C12orf42: variants seen among roughly 807,000 people sequenced by gnomAD.
C12orf42 encodes the protein chromosome 12 open reading frame 42.
In C12orf42, 25 loss-of-function variants were observed where a neutral mutation model predicts 21.6. The ratio of observed to expected loss-of-function variants is 1.16; its 90% CI spans 0.84 to 1.62. The LOEUF is 1.62. Ranked by LOEUF, C12orf42 falls within the 40% of genes most tolerant of loss-of-function variation. The pLI, the probability that C12orf42 is intolerant of heterozygous loss-of-function variation, is 0.00. For missense variants in C12orf42, 483 were observed against 459.3 expected (o/e 1.05, Z -0.47); for synonymous variants, 174 against 175.0 (o/e 0.99, Z 0.05).
chr12:103,073,878 A>C, the C12orf42 span, among the ~76,000 whole-genome samples: 1 of 152,138 alleles, frequency 6.6e-6, no homozygotes, highest in African/African-American at 2.4e-5. Context: ...GTCCTTACTC[A>C]TGCCTATTTT....
At chr12:103,058,922 T>C in the C12orf42 span, among the ~76,000 whole-genome samples, 1 of 151,936 alleles carries the variant, frequency 6.6e-6, no homozygotes, top group Non-Finnish European at 1.5e-5. Flanking sequence ...TTAAAAGAAC[T>C]AGAGAAACAA....
intron 2 of C12orf42, among the ~76,000 whole-genome samples, chr12:103,415,044 G>A (rs754075469): frequency 1.1e-4 from 17 of 151,918 alleles, no homozygotes; most frequent in South Asian, 8.3e-4. Context: ...AACAACACCC[G>A]TGGGCTCAAA....
chr12:103,259,784 G>C (rs1296359505), intron 10 of C12orf42, among the ~76,000 whole-genome samples: 2 of 152,116 alleles, frequency 1.3e-5, no homozygotes, highest in Non-Finnish European at 2.9e-5. Flanking sequence ...AATAATAACT[G>C]TTATTGGAGA....
At chr12:103,077,459 A>G in the C12orf42 span, among the ~76,000 whole-genome samples, 1 of 152,216 alleles carries the variant, frequency 6.6e-6, no homozygotes, top group Non-Finnish European at 1.5e-5. Flanking sequence ...TGGGGAAACC[A>G]AAGCACAGAG....
At chr12:103,048,212 G>A in the C12orf42 span, among the ~76,000 whole-genome samples, 14 of 151,912 alleles carry the variant, frequency 9.2e-5, no homozygotes, top group African/African-American at 3.1e-4. Context: ...GGGGGAAGGA[G>A]GGGAATAGTT....
intron 4 of C12orf42, among the ~76,000 whole-genome samples, chr12:103,347,422 T>C (rs1486416453): frequency 1.3e-5 from 2 of 152,298 alleles, no homozygotes; most frequent in African/African-American, 4.8e-5. Context: ...CCATGGTGTA[T>C]ATGTGCCACA....
the C12orf42 span, among the ~76,000 whole-genome samples, chr12:103,212,344 A>C: frequency 6.6e-6 from 1 of 152,152 alleles, no homozygotes; most frequent in Non-Finnish European, 1.5e-5. Context: ...TAACTAATGT[A>C]TTTGTTTCCT....
the C12orf42 span, among the ~76,000 whole-genome samples, chr12:103,098,332 A>G: frequency 0.15 from 23,187 of 152,180 alleles, 1,884 homozygotes; most frequent in East Asian, 0.3. Context: ...TGGAGATAAT[A>G]TTAAGACTTA....
intron 4 of C12orf42, among the ~76,000 whole-genome samples, chr12:103,346,173 C>T (rs1365599342): frequency 6.6e-6 from 1 of 152,154 alleles, no homozygotes; most frequent in Admixed American, 6.5e-5. Context: ...TAATCCTCCA[C>T]AGTTTTGACT....
At chr12:103,125,052 C>T in the C12orf42 span, among the ~76,000 whole-genome samples, 1 of 152,092 alleles carries the variant, frequency 6.6e-6, no homozygotes, top group African/African-American at 2.4e-5. Context: ...CATCTATGAG[C>T]TGTCATTTGA....
intron 4 of C12orf42, among the ~76,000 whole-genome samples, chr12:103,342,773 C>T (rs1346143990): frequency 2.0e-5 from 3 of 150,934 alleles, no homozygotes; most frequent in Admixed American, 2.0e-4. Flanking sequence ...AGAGCAATTA[C>T]GTCAGTTTCT....
chr12:103,519,489 T>C, the C12orf42 span, among the ~76,000 whole-genome samples: 3 of 152,176 alleles, frequency 2.0e-5, no homozygotes, highest in African/African-American at 7.2e-5. Flanking sequence ...TATATAATAT[T>C]GGACAAATTA....
intron 2 of C12orf42, among the ~76,000 whole-genome samples, chr12:103,461,002 T>C (rs1202878426): frequency 1.3e-5 from 2 of 152,192 alleles, no homozygotes; most frequent in African/African-American, 4.8e-5. Flanking sequence ...GTAGAACAAC[T>C]TAATAGCATT....
upstream of C12orf42, among the ~76,000 whole-genome samples, chr12:103,500,198 T>C (rs1955685249): frequency 6.6e-6 from 1 of 152,194 alleles, no homozygotes. Flanking sequence ...GAGTATAGAT[T>C]TTGGGATCCT....
the C12orf42 span, among the ~76,000 whole-genome samples, chr12:103,119,221 C>T: frequency 6.6e-6 from 1 of 152,044 alleles, no homozygotes; most frequent in South Asian, 2.1e-4. Flanking sequence ...GCATTATTAA[C>T]CTTTTTAAAT....
At chr12:103,459,209 C>G (rs950679618) in intron 2 of C12orf42, among the ~76,000 whole-genome samples, 1 of 152,184 alleles carries the variant, frequency 6.6e-6, no homozygotes, top group African/African-American at 2.4e-5. Context: ...GAGAGCAGCC[C>G]TTGAGAAGCA....
At chr12:103,312,570 C>T (rs1221711172) in intron 4 of C12orf42, among the ~76,000 whole-genome samples, 1 of 152,212 alleles carries the variant, frequency 6.6e-6, no homozygotes, top group African/African-American at 2.4e-5. Flanking sequence ...ACATTCTTAA[C>T]CGTGTCCTCC....
At chr12:103,144,632 G>A in the C12orf42 span, among the ~76,000 whole-genome samples, 2 of 152,196 alleles carry the variant, frequency 1.3e-5, no homozygotes, top group Admixed American at 1.3e-4. Context: ...AGCTTTAATA[G>A]CGTCCTTGTA....
the C12orf42 span, among the ~76,000 whole-genome samples, chr12:103,204,170 A>T: frequency 6.6e-6 from 1 of 152,188 alleles, no homozygotes; most frequent in East Asian, 1.9e-4. Context: ...AGGGTCAAAT[A>T]ACCTTGCTAA....
Sources: allele counts gnomAD v4.1 joint callset (sites outside exome capture counted in the v4.1 genomes callset), GRCh38; gene constraint gnomAD v4.1.1; transcripts MANE v1.5; gene names NCBI Gene and HGNC (gene_info 2026-07-23, HGNC 2026-07-21).